Variants in GABRP observed in about 807,000 individuals in gnomAD.
GABRP encodes gamma-aminobutyric acid type A receptor subunit pi, also known as gamma-aminobutyric acid receptor subunit pi.
A neutral mutation model predicts 47.8 loss-of-function variants in GABRP; 52 were observed. The ratio of observed to expected loss-of-function variants is 1.09; its 90% CI spans 0.87 to 1.37. The LOEUF is 1.37. GABRP is among the 40% of genes most tolerant of loss of function. The probability of loss-of-function intolerance (pLI) is 0.00; values close to 1 mark genes in which losing one functional copy is unlikely to be tolerated. For missense variants in GABRP, 525 were observed against 542.8 expected, an observed-to-expected ratio of 0.97 and a Z score of 0.33; for synonymous variants, 221 against 205.8, an observed-to-expected ratio of 1.07 and a Z score of -0.63.
Position 170,808,627 on chromosome 5 carries a change from T to C in GABRP, c.707T>C (p.Phe236Ser). 3 of 1,614,050 alleles carry C rather than the reference T, an allele frequency of 1.9e-6. No individual in the cohort carries two copies. The highest frequency in any genetic ancestry group is 2.5e-6 in the Non-Finnish European group (3 of 1,179,928). The change falls in exon 8 of 10, where the codon TTT becomes TCT. Residue 236 changes from phenylalanine to serine, a missense_variant. Phe to Ser is a radical substitution (Grantham distance 155). Coordinates refer to ENST00000265294, the MANE Select transcript of GABRP (RefSeq NM_014211.3). ...TGNYTRLVLQ[F>S]ELRRNVLYFI... ...AATTACACTAGATTGGTCTTACAGT[T>C]TGAGCTTCGGAGGAATGTTCTGTAT...
At chr5:170,803,871 G>A (rs1765658325) in intron 6 of GABRP, among the ~76,000 whole-genome samples, 1 of 152,106 alleles carries the variant, frequency 6.6e-6, no homozygotes, top group South Asian at 2.1e-4. Flanking sequence ...CCGCCTCCCA[G>A]GTGCAAGTGA....
At position 170,805,805 on chromosome 5, in the gene GABRP, A is replaced by G; in HGVS notation, c.631A>G (p.Thr211Ala). 1 of 1,614,168 alleles carries G rather than the reference A, an allele frequency of 6.2e-7. No individual in the cohort carries two copies. The change falls in exon 7 of 10, where the codon ACC (threonine) becomes GCC (alanine). Residue 211 changes from threonine to alanine, a missense_variant. By Grantham distance (58) the Thr-to-Ala change is moderately conservative (BLOSUM62 0). Transcript: ENST00000265294. ...GLEHLRLAQY[T>A]IERYFTLVTR... ...GGAACACCTGCGGCTTGCTCAGTAC[A>G]CCATAGAGCGGTATTTCACCTTAGT...
At chr5:170,792,692 T>G (rs1182762500) in intron 3 of GABRP, among the ~76,000 whole-genome samples, 1 of 152,202 alleles carries the variant, frequency 6.6e-6, no homozygotes, top group Admixed American at 6.5e-5. Context: ...CCACCAGATA[T>G]TAACATTCAA....
At chr5:170,797,388 T>C (rs1246772631) in intron 5 of GABRP, 78 bp from the exon 6 acceptor site, 2 of 870,826 alleles carry the variant, frequency 2.3e-6, no homozygotes, top group South Asian at 1.4e-5. Context: ...AAGTCTTCTT[T>C]GAGTGGGCCT....
At chr5:170,801,600 T>C (rs920158569) in intron 6 of GABRP, among the ~76,000 whole-genome samples, 1 of 152,188 alleles carries the variant, frequency 6.6e-6, no homozygotes, top group Non-Finnish European at 1.5e-5. Context: ...TCTAATACTT[T>C]AGTTTTATAT....
intron 3 of GABRP, among the ~76,000 whole-genome samples, chr5:170,792,353 A>T (rs1236336217): frequency 5.3e-5 from 8 of 151,982 alleles, no homozygotes; most frequent in African/African-American, 1.7e-4. Context: ...GAAGCAGGAG[A>T]ATCACTTGAA....
Position 170,813,620 on chromosome 5 carries a change from T to C in GABRP, c.*1362T>C, listed in dbSNP as rs1765950020. 6.6e-6 allele frequency: 1 copy of C among 152,198 alleles called. No individual in the cohort carries two copies. Among genetic ancestry groups the C allele is most frequent in the Admixed American group, 6.5e-5 (1 of 15,274 alleles). 9.4% of individuals were successfully genotyped at this position (152,198 alleles called of 1,614,324 possible). On this transcript the variant is annotated 3_prime_UTR_variant, in exon 10 of 10. Transcript: ENST00000265294. ...TTTTGAGTGTGCCAGGGTAAAGGCT[T>C]CCAGTTCAGCCTCAGTTATTTTAGA... is the stretch of plus-strand genomic sequence containing the variant.
chr5:170,787,191 C>T (rs1053951566), intron 1 of GABRP, among the ~76,000 whole-genome samples: 2 of 152,164 alleles, frequency 1.3e-5, no homozygotes, highest in African/African-American at 2.4e-5. Context: ...CAACAGTGAG[C>T]GAGTATTGGT....
chr5:170,807,136 A>G (rs1239041350), intron 7 of GABRP, among the ~76,000 whole-genome samples: 1 of 151,822 alleles, frequency 6.6e-6, no homozygotes, highest in Admixed American at 6.6e-5. Context: ...TATTGTAGAG[A>G]TGAGGTTACA....
chr5:170,794,370 C>T, intron 4 of GABRP, 72 bp downstream of exon 4: 3 of 684,704 alleles, frequency 4.4e-6, no homozygotes, highest in South Asian at 2.7e-5. Flanking sequence ...TGCTTTCTAG[C>T]CGCTCAAAAA....
intron 3 of GABRP, among the ~76,000 whole-genome samples, chr5:170,790,816 C>T (rs1191185498): frequency 6.6e-6 from 1 of 152,142 alleles, no homozygotes; most frequent in African/African-American, 2.4e-5. Flanking sequence ...GGCTGTGGCC[C>T]ATGAGAAGTG....
intron 9 of GABRP, among the ~76,000 whole-genome samples, chr5:170,811,388 G>A (rs377102885): frequency 2.4e-4 from 36 of 151,722 alleles, no homozygotes; most frequent in African/African-American, 8.7e-4. Flanking sequence ...CAATGGCAGG[G>A]AGCATCACTA....
chr5:170,805,308 T>A (rs1200923822), intron 6 of GABRP, among the ~76,000 whole-genome samples: 1 of 152,184 alleles, frequency 6.6e-6, no homozygotes, highest in Non-Finnish European at 1.5e-5. Context: ...TTTATGCCAA[T>A]ATAGAAATAT....
chr5:170,808,891 A>T, intron 8 of GABRP, 139 bp downstream of exon 8: 1 of 721,212 alleles, frequency 1.4e-6, no homozygotes, highest in Non-Finnish European at 2.2e-6. Flanking sequence ...ACAGAGAAAG[A>T]AAGAGAGAGA....
rs1160829804 is a variant in GABRP at position 170,812,103 on chromosome 5, A to T, written c.1168A>T (p.Lys390Ter). 6.2e-7 allele frequency: 1 copy of T among 1,614,172 alleles called. No homozygotes were observed. The highest frequency in any genetic ancestry group is 8.5e-7 in the Non-Finnish European group (1 of 1,180,020). Residue 390 changes from lysine (K) to a stop codon, truncating the protein, a stop_gained, in exon 10 of 10, where the codon AAG becomes TAG. Coordinates refer to ENST00000265294, the MANE Select transcript of GABRP (RefSeq NM_014211.3). LOFTEE classifies it high-confidence loss of function. Reference sequence around the variant, plus strand: ...TGACTTGACAATGAAAACCAGCGACAAGTTCAAGTTTGTCTTCCGAGAAAA... The same window carrying T: ...TGACTTGACAATGAAAACCAGCGACTAGTTCAAGTTTGTCTTCCGAGAAAA... ...YSDLTMKTSD[K>*]FKFVFREKMG...
chr5:170,791,503 C>A (rs1765268109), intron 3 of GABRP, among the ~76,000 whole-genome samples: 1 of 152,186 alleles, frequency 6.6e-6, no homozygotes, highest in Non-Finnish European at 1.5e-5. Flanking sequence ...TGAACACTAC[C>A]CAGGAGCTGG....
At chr5:170,795,034 C>T (rs974104337) in intron 4 of GABRP, among the ~76,000 whole-genome samples, 174 bp from the exon 5 acceptor site, 2 of 146,566 alleles carry the variant, frequency 1.4e-5, no homozygotes, top group Non-Finnish European at 3.1e-5. Flanking sequence ...TTACCCCAGT[C>T]TTGGGGTAGT....
chr5:170,792,486 T>C (rs932083637), intron 3 of GABRP, among the ~76,000 whole-genome samples: 7 of 151,470 alleles, frequency 4.6e-5, no homozygotes, highest in African/African-American at 1.7e-4. Flanking sequence ...GAAGAGAAAC[T>C]GCAGCACAGA....
chr5:170,807,753 C>G (rs1047187528), intron 7 of GABRP, among the ~76,000 whole-genome samples: 2 of 152,010 alleles, frequency 1.3e-5, no homozygotes, highest in African/African-American at 4.8e-5. Flanking sequence ...CTATATTTAT[C>G]CAGGCATATG....
Sources: gnomAD v4.1 joint callset for allele counts (sites outside exome capture counted in the v4.1 genomes callset) on GRCh38, gnomAD v4.1.1 for gene constraint, MANE v1.5 for transcripts, NCBI Gene and HGNC (gene_info 2026-07-23, HGNC 2026-07-21) for gene names.